The following ING4 variants were observed in gnomAD, a reference collection of about 807,000 sequenced individuals.
ING4 encodes the protein inhibitor of growth family member 4.
A neutral mutation model predicts 33.1 loss-of-function variants in ING4; 28 were observed. The observed-to-expected ratio is 0.85, with a 90% confidence interval of 0.63 to 1.16. The LOEUF is 1.16. ING4 is among the 50% of genes most tolerant of loss of function. The pLI, the probability that ING4 is intolerant of heterozygous loss-of-function variation, is 0.00. For missense variants in ING4, 247 were observed against 314.7 expected (o/e 0.78, Z 1.63); for synonymous variants, 87 against 104.4 (o/e 0.83, Z 1.02).
intron 2 of ING4, among the ~76,000 whole-genome samples, chr12:6,653,903 C>T (rs550530970): frequency 2.6e-5 from 4 of 152,176 alleles, no homozygotes; most frequent in Non-Finnish European, 4.4e-5. Context: ...CACTTTGTCG[C>T]CCAGGCTGGA....
intron 1 of ING4, among the ~76,000 whole-genome samples, chr12:6,660,563 G>A (rs969131226): frequency 6.6e-6 from 1 of 151,896 alleles, no homozygotes; most frequent in African/African-American, 2.4e-5. Context: ...GGCCAAGATC[G>A]CACCATTGCG....
At chr12:6,656,046 A>T in intron 2 of ING4, 1 of 385,676 alleles carries the variant, frequency 2.6e-6, no homozygotes, top group South Asian at 1.9e-5. Context: ...GTTGCAGTCT[A>T]AAGTCACACT....
At chr12:6,654,242 G>A (rs1949277626) in intron 2 of ING4, among the ~76,000 whole-genome samples, 1 of 151,948 alleles carries the variant, frequency 6.6e-6, no homozygotes, top group Non-Finnish European at 1.5e-5. Context: ...CGCCTCCTGA[G>A]TAGTTGAGTA....
chr12:6,656,932 C>T (rs987315074), intron 1 of ING4, 134 bp from the exon 2 acceptor site: 2 of 533,860 alleles, frequency 3.7e-6, no homozygotes, highest in African/African-American at 4.1e-5. Flanking sequence ...GGGGGTGGAT[C>T]ACTCAAGGCC....
chr12:6,658,207 G>A (rs995100252), intron 1 of ING4, among the ~76,000 whole-genome samples: 2 of 151,534 alleles, frequency 1.3e-5, no homozygotes, highest in African/African-American at 2.4e-5. Context: ...TGATCCGCCC[G>A]CCTTGATCTC....
intron 1 of ING4, among the ~76,000 whole-genome samples, chr12:6,662,823 C>T (rs186470750): frequency 3.1e-4 from 47 of 152,282 alleles, no homozygotes; most frequent in Non-Finnish European, 5.7e-4. Context: ...GCCATGCACA[C>T]TAGCCCTTCA....
intron 1 of ING4, among the ~76,000 whole-genome samples, chr12:6,660,838 T>A (rs867366121): frequency 6.6e-6 from 1 of 152,124 alleles, no homozygotes; most frequent in Non-Finnish European, 1.5e-5. Flanking sequence ...TCTTTTGAGG[T>A]GTAGTGTCGC....
chr12:6,661,363 T>G (rs1459690959), intron 1 of ING4, among the ~76,000 whole-genome samples: 2 of 151,006 alleles, frequency 1.3e-5, no homozygotes, highest in Non-Finnish European at 2.9e-5. Flanking sequence ...CCCAAAGTGT[T>G]GGGATTACAG....
chr12:6,661,760 C>T (rs1949562070), intron 1 of ING4, among the ~76,000 whole-genome samples: 1 of 152,032 alleles, frequency 6.6e-6, no homozygotes, highest in Non-Finnish European at 1.5e-5. Context: ...AAGAAGCCAC[C>T]TTAGATTCTT....
At chr12:6,657,341 C>T (rs958333143) in intron 1 of ING4, among the ~76,000 whole-genome samples, 25 of 151,438 alleles carry the variant, frequency 1.7e-4, no homozygotes, top group Non-Finnish European at 2.7e-4. Flanking sequence ...CCCAGCTACT[C>T]AGGAGGCTGA....
intron 2 of ING4, among the ~76,000 whole-genome samples, chr12:6,653,686 T>C (rs1055527954): frequency 1.3e-5 from 2 of 152,204 alleles, no homozygotes; most frequent in African/African-American, 4.8e-5. Context: ...AAGTGTATTT[T>C]TGTCCATGTT....
intron 1 of ING4, 72 bp downstream of exon 1, chr12:6,662,993 G>T: frequency 6.7e-7 from 1 of 1,495,824 alleles, no homozygotes; most frequent in Non-Finnish European, 9.3e-7. Flanking sequence ...GAACTTAAGG[G>T]CTACAGATCC....
chr12:6,652,224 C>T (rs1482680564), intron 6 of ING4, 47 bp downstream of exon 6: 2 of 1,597,582 alleles, frequency 1.3e-6, no homozygotes, highest in Admixed American at 3.4e-5. Flanking sequence ...TACCCACTCC[C>T]TTCATGCCCC....
At chr12:6,652,909 C>T in intron 4 of ING4, 27 bp downstream of exon 4, 1 of 1,593,172 alleles carries the variant, frequency 6.3e-7, no homozygotes, top group Non-Finnish European at 8.6e-7. Flanking sequence ...CCTCGCCCCA[C>T]CTCTCACAGC....
intron 1 of ING4, among the ~76,000 whole-genome samples, chr12:6,661,185 C>A (rs1459849832): frequency 2.7e-5 from 4 of 150,464 alleles, no homozygotes; most frequent in African/African-American, 9.8e-5. Context: ...GCAACCTCCA[C>A]CTCCCAGGTT....
chr12:6,656,757 G>A lies in ING4; in HGVS notation c.79C>T (p.Leu27Phe). 1.3e-6 allele frequency: 2 copies of A among 1,574,764 alleles called. No homozygotes were observed. The highest frequency in any genetic ancestry group is 1.7e-6 in the Non-Finnish European group (2 of 1,165,712). ...LPFELQRNFQ[L>F]MRDLDQRTED... The stretch of plus-strand genomic sequence containing the variant: ...GTTCTTTGGTCTAGGTCCCTCATGA[G>A]CTGAAAGTTTCTCTGTAATTCAAAG... The change falls in exon 2 of 8, where the codon CTC (leucine) becomes TTC (phenylalanine). Residue 27 changes from leucine to phenylalanine, a missense_variant. Around this residue, in one of 3 missense-constraint regions of ING4, gnomAD observed 198 missense variants for 221.2 expected, o/e 0.89. Coordinates refer to ENST00000341550, the MANE Select transcript of ING4 (RefSeq NM_016162.4).
intron 6 of ING4, among the ~76,000 whole-genome samples, chr12:6,651,817 C>T (rs977876245): frequency 2.7e-5 from 4 of 149,276 alleles, no homozygotes; most frequent in Non-Finnish European, 5.9e-5. Context: ...GCTGGGATTA[C>T]AGGCGTGAGC....
At chr12:6,660,222 G>A (rs1221327399) in intron 1 of ING4, among the ~76,000 whole-genome samples, 1 of 152,164 alleles carries the variant, frequency 6.6e-6, no homozygotes, top group Non-Finnish European at 1.5e-5. Flanking sequence ...CATTCTGGGA[G>A]GCCAAGGCAG....
In ING4 at chr12:6,650,559, A is replaced by G. The variant is rs1949148827; in HGVS notation, c.*636T>C. ...AAAATGAATGCTCAGCATGTTTACT[A>G]AAACAGTGTCTCTACAATAAACACA... is the stretch of plus-strand genomic sequence containing the variant. On this transcript the variant is annotated 3_prime_UTR_variant, in exon 8 of 8. Coordinates refer to ENST00000341550, the MANE Select transcript of ING4 (RefSeq NM_016162.4). The G allele has an allele frequency of 6.5e-6, 1 of 153,010 alleles. No individual in the cohort carries two copies. Among genetic ancestry groups the G allele is most frequent in the Non-Finnish European group, 1.5e-5 (1 of 68,308 alleles). The allele number at this position is 153,010 out of a possible 1,614,324, so 9.5% of individuals were successfully genotyped here. A position where few individuals can be genotyped will look rare whatever the true frequency, so the allele number is the denominator to read the frequency against.
Sources: gnomAD v4.1 joint callset for allele counts (sites outside exome capture counted in the v4.1 genomes callset) on GRCh38, gnomAD v4.1.1 for gene constraint, gnomAD v4.1.1 regional missense constraint, MANE v1.5 for transcripts, NCBI Gene and HGNC (gene_info 2026-07-23, HGNC 2026-07-21) for gene names.